Variants in ALK observed in about 807,000 individuals in gnomAD.
ALK encodes the protein ALK tyrosine kinase receptor.
A neutral mutation model predicts 163.1 loss-of-function variants in ALK; 74 were observed. That is an observed-to-expected ratio of 0.45 (90% CI 0.38 to 0.55). The LOEUF (loss-of-function observed/expected upper bound fraction) is 0.55. Among genes scored for constraint, ALK ranks in the 20% least tolerant of loss-of-function variants. The pLI is 0.00. For missense variants in ALK, 2,063 were observed against 2,105.3 expected (o/e 0.98, Z 0.39); for synonymous variants, 960 against 843.2 (o/e 1.14, Z -2.40).
At chr2:29,803,783 A>G (rs929014499) in intron 1 of ALK, among the ~76,000 whole-genome samples, 1 of 152,216 alleles carries the variant, frequency 6.6e-6, no homozygotes, top group African/African-American at 2.4e-5. Flanking sequence ...TAGAGGTTGG[A>G]GGTGGGGGAA....
intron 4 of ALK, among the ~76,000 whole-genome samples, chr2:29,397,743 A>G (rs1293424057): frequency 6.6e-6 from 1 of 152,200 alleles, no homozygotes; most frequent in East Asian, 1.9e-4. Context: ...TGCCTCCCAG[A>G]TGAATACTAT....
At chr2:29,729,791 T>A (rs951380981) in intron 1 of ALK, among the ~76,000 whole-genome samples, 9 of 152,188 alleles carry the variant, frequency 5.9e-5, no homozygotes, top group Admixed American at 2.0e-4. Flanking sequence ...TAATTTAAAA[T>A]ACACTTTCGG....
chr2:29,740,677 G>A (rs566391651), intron 1 of ALK, among the ~76,000 whole-genome samples: 26 of 152,168 alleles, frequency 1.7e-4, no homozygotes, highest in Non-Finnish European at 3.1e-4. Context: ...GGTACATCCC[G>A]ATAATGAGAT....
chr2:29,404,077 G>C (rs887162930), intron 4 of ALK, among the ~76,000 whole-genome samples: 1 of 152,116 alleles, frequency 6.6e-6, no homozygotes, highest in Admixed American at 6.6e-5. Context: ...GCTGAGGTGG[G>C]TGGATCGTCT....
intron 3 of ALK, among the ~76,000 whole-genome samples, chr2:29,607,625 C>T (rs1003339517): frequency 1.5e-4 from 23 of 152,166 alleles, no homozygotes; most frequent in African/African-American, 5.5e-4. Context: ...CAGCATTCTA[C>T]ACAGAAAATG....
chr2:29,518,723 G>A (rs1301120869), intron 4 of ALK, among the ~76,000 whole-genome samples: 1 of 152,156 alleles, frequency 6.6e-6, no homozygotes, highest in Non-Finnish European at 1.5e-5. Context: ...CACTTAGCCT[G>A]GGAAAACAAG....
intron 5 of ALK, among the ~76,000 whole-genome samples, chr2:29,379,615 TAAGGTGG>T (rs1253826521): frequency 7.2e-5 from 11 of 152,116 alleles, no homozygotes; most frequent in Non-Finnish European, 1.3e-4. Context: ...AGGAAATGAG[TAAGGTGG>T]TCCAGTATAG....
chr2:29,917,366 G>A (rs1274865240), intron 1 of ALK, among the ~76,000 whole-genome samples: 1 of 152,184 alleles, frequency 6.6e-6, no homozygotes, highest in African/African-American at 2.4e-5. Flanking sequence ...CCACATCATA[G>A]AAGAGTTAAA....
intron 3 of ALK, among the ~76,000 whole-genome samples, chr2:29,643,035 T>C (rs1273478109): frequency 6.6e-6 from 1 of 151,924 alleles, no homozygotes; most frequent in Non-Finnish European, 1.5e-5. Context: ...TAACACCTAA[T>C]AGAAAGTAAG....
intron 6 of ALK, among the ~76,000 whole-genome samples, chr2:29,327,851 C>A (rs889404541): frequency 6.6e-6 from 1 of 152,088 alleles, no homozygotes; most frequent in Admixed American, 6.5e-5. Flanking sequence ...CTGAAAGAAT[C>A]GACTCAGGGC....
chr2:29,202,204 G>C (rs1405884867), intron 26 of ALK, among the ~76,000 whole-genome samples: 2 of 152,172 alleles, frequency 1.3e-5, no homozygotes, highest in Non-Finnish European at 2.9e-5. Flanking sequence ...AGTCTGGAAA[G>C]CCTTTCTCTC....
At chr2:29,900,674 C>CA (rs1292575002) in intron 1 of ALK, among the ~76,000 whole-genome samples, 2 of 152,182 alleles carry the variant, frequency 1.3e-5, no homozygotes, top group Non-Finnish European at 2.9e-5. Flanking sequence ...ACGCCCTTGA[C>CA]TGGGCTTCAC....
chr2:29,787,744 T>C (rs911693953), intron 1 of ALK, among the ~76,000 whole-genome samples: 1 of 152,096 alleles, frequency 6.6e-6, no homozygotes, highest in African/African-American at 2.4e-5. Context: ...AGGGAGAATA[T>C]TTAAGTGGTC....
chr2:29,862,443 A>G (rs1470188965), intron 1 of ALK, among the ~76,000 whole-genome samples: 4 of 152,228 alleles, frequency 2.6e-5, no homozygotes, highest in African/African-American at 9.6e-5. Context: ...CAAATTCAAT[A>G]AAGTTTCATC....
chr2:29,583,420 T>C (rs1423524142), intron 3 of ALK, among the ~76,000 whole-genome samples: 1 of 152,108 alleles, frequency 6.6e-6, no homozygotes, highest in African/African-American at 2.4e-5. Flanking sequence ...GCAGCCTGTC[T>C]CTGTTAATTC....
At chr2:29,281,606 T>C (rs1665720786) in intron 9 of ALK, among the ~76,000 whole-genome samples, 1 of 152,236 alleles carries the variant, frequency 6.6e-6, no homozygotes, top group Non-Finnish European at 1.5e-5. Flanking sequence ...GAACTTGTTA[T>C]TAAAACAGAC....
chr2:29,295,247 TAG>T (rs1666140842), intron 9 of ALK, among the ~76,000 whole-genome samples: 1 of 152,144 alleles, frequency 6.6e-6, no homozygotes, highest in Non-Finnish European at 1.5e-5. Flanking sequence ...AATGAAACTC[TAG>T]AGGATGAGAG....
intron 3 of ALK, among the ~76,000 whole-genome samples, chr2:29,595,906 T>C (rs1675201404): frequency 6.6e-6 from 1 of 152,136 alleles, no homozygotes; most frequent in African/African-American, 2.4e-5. Flanking sequence ...TGGACACTGA[T>C]AGGAATGAAC....
At chr2:29,579,702 T>C (rs1674624991) in intron 3 of ALK, among the ~76,000 whole-genome samples, 2 of 152,098 alleles carry the variant, frequency 1.3e-5, no homozygotes, top group South Asian at 2.1e-4. Flanking sequence ...ACTCATCAGA[T>C]TGAGAGCTGT....
Sources: allele counts gnomAD v4.1 joint callset (sites outside exome capture counted in the v4.1 genomes callset), GRCh38; gene constraint gnomAD v4.1.1; transcripts MANE v1.5; gene names NCBI Gene and HGNC (gene_info 2026-07-23, HGNC 2026-07-21).